Variants in MGAM observed in about 807,000 individuals in gnomAD.
MGAM encodes the protein maltase-glucoamylase.
MGAM carries 253 observed loss-of-function variants against 358.8 expected under a neutral mutation model. The ratio of observed to expected loss-of-function variants is 0.71; its 90% CI spans 0.64 to 0.78. The LOEUF is 0.78. MGAM is among the 30% of genes least tolerant of loss of function. The pLI is 0.00. For synonymous variants in MGAM, 1,105 were observed against 1,227.1 expected, an observed-to-expected ratio of 0.90 and a Z score of 2.08; for missense variants, 3,080 against 3,432.6, an observed-to-expected ratio of 0.90 and a Z score of 2.57.
rs370852919 is a variant in MGAM, at chr7:142,071,151, T to C, written c.5186+33T>C. 1.3e-5 allele frequency: 20 copies of C among 1,528,682 alleles called. 3 individuals carry two copies. In the Admixed American group the frequency reaches 2.9e-4, roughly 22 times the overall value. The allele number at this position is 1,528,682 out of a possible 1,614,324, so 94.7% of individuals were successfully genotyped here. On this transcript the variant is annotated intron_variant, in intron 44 of 70. Transcript: ENST00000475668. ...ACAGGACTCAGGTTTTCCTTTACAT[T>C]TCAGTTAGCTCAACAATTTGTGATG...
chr7:142,006,575 G>A (rs1554452503), intron 2 of MGAM, among the ~76,000 whole-genome samples: 1 of 152,128 alleles, frequency 6.6e-6, no homozygotes, highest in Non-Finnish European at 1.5e-5. Context: ...GGGAGCCATT[G>A]CTTTGTGCTT....
In MGAM at chr7:142,006,447, C is replaced by T. The variant is rs533312360; in HGVS notation, c.127+790C>T. 3.3e-4 allele frequency among the ~76,000 whole-genome samples: 50 copies of T among 152,222 alleles called. 1 individual carries two copies. In the South Asian group the frequency reaches 0.01, roughly 31 times the overall value. ...CTCTCATGATGAGCAGATGTTACTGCTCTTTGGCCCTCCAGAAAGTCAACA... is the reference window on the plus strand; with the variant it reads ...CTCTCATGATGAGCAGATGTTACTGTTCTTTGGCCCTCCAGAAAGTCAACA... On this transcript the variant is annotated intron_variant, in intron 2 of 70. Transcript: ENST00000475668.
chr7:142,087,739 G>A (rs77057874), intron 57 of MGAM, among the ~76,000 whole-genome samples: 6,748 of 146,332 alleles, frequency 0.046, 840 homozygotes, highest in Middle Eastern at 0.071. Context: ...TCAGCAATGC[G>A]GTATATGTTG....
chr7:142,045,514 C>T (rs1584997362), intron 21 of MGAM, among the ~76,000 whole-genome samples: 1 of 101,404 alleles, frequency 9.9e-6, no homozygotes, highest in Non-Finnish European at 1.7e-5. Context: ...ATTACATATA[C>T]ATATAATATA....
Position 142,085,904 on chromosome 7 carries a change from G to A in MGAM, c.6579G>A (p.Gly2193=). 1.3e-6 allele frequency: 2 copies of A among 1,566,342 alleles called. No individual in the cohort carries two copies. Among genetic ancestry groups the A allele is most frequent in the Non-Finnish European group, 1.8e-6 (2 of 1,141,478 alleles). The part of the protein sequence containing the change: ...LDFTLSPKFA[G]FPALINRMKA... Reference sequence around the variant, plus strand: ...TCACCCTCAGCCCCAAGTTTGCCGGGTTTCCAGCTCTGATCAATCGCATGA... The same window carrying A: ...TCACCCTCAGCCCCAAGTTTGCCGGATTTCCAGCTCTGATCAATCGCATGA... Residue 2193 remains glycine (G), a synonymous_variant, in exon 55 of 71, where the codon GGG becomes GGA. Transcript: ENST00000475668.
chr7:142,068,719 T>A lies in MGAM; in HGVS notation c.5061+16T>A. ...TTACTACACGGTAAGTTTTTCTGAA[T>A]GTTTATATAACACGGGAATGTGGTA... On this transcript the variant is annotated intron_variant, in intron 43 of 70. Transcript: ENST00000475668. The A allele has an allele frequency of 4.0e-6, 6 of 1,482,274 alleles. No homozygotes were observed. The highest frequency in any genetic ancestry group is 5.6e-6 in the Non-Finnish European group (6 of 1,068,750). The allele number at this position is 1,482,274 out of a possible 1,614,324, so 91.8% of individuals were successfully genotyped here.
chr7:142,048,383 C>T (rs1009694813), intron 22 of MGAM, among the ~76,000 whole-genome samples: 1 of 151,672 alleles, frequency 6.6e-6, no homozygotes, highest in Admixed American at 6.6e-5. Flanking sequence ...CTCCTAAATT[C>T]GTAATCTGCC....
chr7:142,052,199 A>C (rs960574405), intron 24 of MGAM, 95 bp from the exon 25 acceptor site: 9 of 1,073,442 alleles, frequency 8.4e-6, no homozygotes, highest in Non-Finnish European at 1.0e-5. Context: ...AGTCTGGTCT[A>C]ATTTCTATTT....
chr7:142,026,931 G>A (rs1554461119), intron 8 of MGAM, among the ~76,000 whole-genome samples, 184 bp from the exon 9 acceptor site: 1 of 152,112 alleles, frequency 6.6e-6, no homozygotes, highest in Non-Finnish European at 1.5e-5. Context: ...AAATGCCTTG[G>A]CTGCCATGTG....
At chr7:141,987,271 C>G (rs971719079) in intron 2 of MGAM, among the ~76,000 whole-genome samples, 1 of 152,194 alleles carries the variant, frequency 6.6e-6, no homozygotes, top group Non-Finnish European at 1.5e-5. Flanking sequence ...CAGTTAATCT[C>G]TCTGCTTTTC....
At chr7:142,048,399 C>T (rs759466889) in intron 22 of MGAM, among the ~76,000 whole-genome samples, 2 of 151,562 alleles carry the variant, frequency 1.3e-5, no homozygotes, top group Admixed American at 6.6e-5. Flanking sequence ...CTGCCCGGCT[C>T]GGCCCCCCAA....
chr7:142,065,837 A>G lies in MGAM; in HGVS notation c.4770+6A>G. 1 of 1,537,394 alleles carries G rather than the reference A, an allele frequency of 6.5e-7. No homozygotes were observed. Among genetic ancestry groups the G allele is most frequent in the Non-Finnish European group, 9.0e-7 (1 of 1,116,434 alleles). On this transcript the variant is annotated splice_donor_region_variant and intron_variant, in intron 40 of 70. Coordinates refer to ENST00000475668, the MANE Select transcript of MGAM (RefSeq NM_001365693.1). ...ACAATACCATTGGGACCAGGGTAGG[A>G]CAGTGGCTTCTACCTCCACTGTTTT...
At chr7:142,070,736 A>G (rs1258197292) in intron 43 of MGAM, among the ~76,000 whole-genome samples, 5 of 146,394 alleles carry the variant, frequency 3.4e-5, no homozygotes, top group African/African-American at 1.2e-4. Context: ...AGAGTGTAGC[A>G]GTTCTTCCTG....
At chr7:142,097,492 C>G in intron 65 of MGAM, 101 bp from the exon 66 acceptor site, 1 of 1,188,324 alleles carries the variant, frequency 8.4e-7, no homozygotes, top group Non-Finnish European at 1.2e-6. Context: ...GGCAAGTGGG[C>G]CCAAGGCCAT....
At chr7:142,047,418 G>A (rs2129027706) in intron 21 of MGAM, among the ~76,000 whole-genome samples, 1 of 152,170 alleles carries the variant, frequency 6.6e-6, no homozygotes. Flanking sequence ...TTCTACTGAG[G>A]GCATCATTGC....
rs1554465112 is a variant in MGAM at position 142,034,659 on chromosome 7, C to T, written c.1788-11C>T. The T allele has an allele frequency of 6.2e-7, 1 of 1,610,830 alleles. No individual in the cohort carries two copies. On this transcript the variant is annotated splice_polypyrimidine_tract_variant and intron_variant, in intron 15 of 70. Transcript: ENST00000475668. ...TCCCACATTGACTCCTTAAATCTCT[C>T]TCCCTTGCAGAGCTGCCAAGACTGT...
At chr7:142,013,593 G>A (rs1162765795) in intron 3 of MGAM, among the ~76,000 whole-genome samples, 1 of 152,128 alleles carries the variant, frequency 6.6e-6, no homozygotes, top group Non-Finnish European at 1.5e-5. Context: ...TTTCGAGAAA[G>A]TTTCTAGTTG....
Position 142,052,415 on chromosome 7 carries a change from A to C in MGAM, c.2927A>C (p.Glu976Ala), listed in dbSNP as rs116536012. ...CCTGATGAGAATGGTGCTTCTGCCG[A>C]AAACTGCACTGCCCGTGGCTGTATC... The part of the protein sequence containing the change: ...CYPDENGASA[E>A]NCTARGCIWE... The change falls in exon 25 of 71, where the codon GAA becomes GCA. Residue 976 changes from glutamate to alanine, a missense_variant. Physicochemically the swap from Glu to Ala is moderately radical, Grantham distance 107 (BLOSUM62 -1). This residue lies in a region of MGAM where 1,816 missense variants were observed against 1,840.5 expected (regional missense o/e 0.99). Coordinates refer to ENST00000475668, the MANE Select transcript of MGAM (RefSeq NM_001365693.1). 0.034 allele frequency: 55,512 copies of C among 1,613,174 alleles called. 1,397 individuals carry two copies. The highest frequency in any genetic ancestry group is 0.11 in the African/African-American group (8,043 of 74,952).
At chr7:142,019,341 T>A in intron 4 of MGAM, 22 bp downstream of exon 4, 1 of 1,609,366 alleles carries the variant, frequency 6.2e-7, no homozygotes, top group Non-Finnish European at 8.5e-7. Context: ...TCTGCCATGA[T>A]GCAGGAGGTC....
Sources: allele counts gnomAD v4.1 joint callset (sites outside exome capture counted in the v4.1 genomes callset), GRCh38; gene constraint gnomAD v4.1.1; regional missense constraint gnomAD v4.1.1; transcripts MANE v1.5; gene names NCBI Gene and HGNC (gene_info 2026-07-23, HGNC 2026-07-21).